CAMTA1: variants seen among roughly 807,000 people sequenced by gnomAD.
CAMTA1 encodes the protein calmodulin-binding transcription activator 1.
A neutral mutation model predicts 170.9 loss-of-function variants in CAMTA1; 27 were observed. The ratio of observed to expected loss-of-function variants is 0.16; its 90% CI spans 0.12 to 0.22. The LOEUF (loss-of-function observed/expected upper bound fraction) is 0.22. Ranked by LOEUF, CAMTA1 falls within the 10% of genes least tolerant of loss-of-function variation. The pLI is 1.00. For synonymous variants in CAMTA1, 833 were observed against 891.5 expected, an observed-to-expected ratio of 0.93 and a Z score of 1.17; for missense variants, 1,619 against 2,217.2, an observed-to-expected ratio of 0.73 and a Z score of 5.42.
chr1:7,310,645 TTTTTTC>T (rs1225094134), intron 5 of CAMTA1, among the ~76,000 whole-genome samples: 3 of 29,606 alleles, frequency 1.0e-4, no homozygotes, highest in African/African-American at 2.5e-4. Flanking sequence ...TCTTTCTTTC[TTTTTTC>T]TTTCTTTCTT....
chr1:6,908,740 C>A (rs904473531), intron 3 of CAMTA1, among the ~76,000 whole-genome samples: 1 of 152,196 alleles, frequency 6.6e-6, no homozygotes, highest in African/African-American at 2.4e-5. Flanking sequence ...GAGCTCAACC[C>A]CAGAGCTAGG....
intron 11 of CAMTA1, among the ~76,000 whole-genome samples, chr1:7,718,236 T>TGTTCCGTAAACACAGTGGGC (rs1168713406): frequency 6.9e-6 from 1 of 144,362 alleles, no homozygotes. Flanking sequence ...ACACAGTGGG[T>TGTTCCGTAAACACAGTGGGC]GTTCCGTAAA....
intron 5 of CAMTA1, among the ~76,000 whole-genome samples, chr1:7,256,940 C>A: frequency 6.6e-6 from 1 of 152,098 alleles, no homozygotes; most frequent in South Asian, 2.1e-4. Context: ...CTCACTGCAT[C>A]CTTACATGGT....
chr1:7,142,698 A>G (rs988264547), intron 4 of CAMTA1, among the ~76,000 whole-genome samples: 2 of 152,214 alleles, frequency 1.3e-5, no homozygotes, highest in Non-Finnish European at 2.9e-5. Flanking sequence ...CTCTCTTGCC[A>G]TGCTGGCTCC....
At chr1:6,832,627 C>G (rs984313627) in intron 3 of CAMTA1, among the ~76,000 whole-genome samples, 1 of 152,124 alleles carries the variant, frequency 6.6e-6, no homozygotes, top group Non-Finnish European at 1.5e-5. Context: ...CACCAGTACT[C>G]TAATCATAAA....
chr1:6,811,423 G>T (rs1254061805), intron 1 of CAMTA1, among the ~76,000 whole-genome samples: 1 of 152,134 alleles, frequency 6.6e-6, no homozygotes, highest in African/African-American at 2.4e-5. Flanking sequence ...GGAGTAGAGA[G>T]TTTACTTTTA....
At chr1:7,458,995 ATT>A (rs1478150709) in intron 5 of CAMTA1, among the ~76,000 whole-genome samples, 1 of 152,246 alleles carries the variant, frequency 6.6e-6, no homozygotes, top group Non-Finnish European at 1.5e-5. Context: ...CTAATCTTAG[ATT>A]AATACAAACC....
chr1:7,735,581 C>CT lies in CAMTA1; in HGVS notation c.3067-755dup, dbSNP rs1257887897. 5.9e-5 allele frequency among the ~76,000 whole-genome samples: 9 copies of CT among 151,998 alleles called. No individual in the cohort carries two copies. In the East Asian group the frequency reaches 9.6e-4, roughly 16 times the overall value. On this transcript the variant is annotated intron_variant, in intron 12 of 22. Transcript: ENST00000303635. ...ACTGCCTACAGGAAGGCTAGAACCACTTTTTTTTGTTTAAGGCTGTGTACA... is the reference window on the plus strand; with the variant it reads ...ACTGCCTACAGGAAGGCTAGAACCACTTTTTTTTTGTTTAAGGCTGTGTACA...
chr1:7,269,759 A>G (rs1242326112), intron 5 of CAMTA1, among the ~76,000 whole-genome samples: 4 of 152,196 alleles, frequency 2.6e-5, no homozygotes, highest in Admixed American at 1.3e-4. Flanking sequence ...TAACAGACAT[A>G]TAATTGGAGG....
At chr1:6,844,034 A>G (rs1656956942) in intron 3 of CAMTA1, among the ~76,000 whole-genome samples, 1 of 152,192 alleles carries the variant, frequency 6.6e-6, no homozygotes, top group Non-Finnish European at 1.5e-5. Flanking sequence ...CTCCTTATGT[A>G]TATTCTTGAC....
At chr1:7,603,597 C>T (rs897546188) in intron 6 of CAMTA1, among the ~76,000 whole-genome samples, 1 of 152,150 alleles carries the variant, frequency 6.6e-6, no homozygotes, top group Non-Finnish European at 1.5e-5. Context: ...AGATGGGTTT[C>T]CTGAATACAG....
intron 3 of CAMTA1, among the ~76,000 whole-genome samples, chr1:6,876,153 AT>A (rs900990101): frequency 6.0e-5 from 9 of 149,768 alleles, no homozygotes; most frequent in East Asian, 2.0e-4. Context: ...TTGTTCTTTC[AT>A]TTTTTTTTCT....
chr1:7,125,211 C>T (rs1242906821), intron 4 of CAMTA1, among the ~76,000 whole-genome samples: 1 of 152,104 alleles, frequency 6.6e-6, no homozygotes, highest in Non-Finnish European at 1.5e-5. Flanking sequence ...ATGGGGCTGC[C>T]CTTCCTCCAG....
chr1:7,377,249 A>G (rs906648316), intron 5 of CAMTA1, among the ~76,000 whole-genome samples: 11 of 152,216 alleles, frequency 7.2e-5, no homozygotes, highest in Admixed American at 7.2e-4. Context: ...TACAGCAGCA[A>G]TTAACACCGT....
chr1:7,427,902 C>T lies in CAMTA1; in HGVS notation c.439-39928C>T, dbSNP rs150069122. 2.4e-3 allele frequency among the ~76,000 whole-genome samples: 358 copies of T among 152,254 alleles called. 1 individual carries two copies. The highest frequency in any genetic ancestry group is 8.4e-3 in the African/African-American group (347 of 41,540). On this transcript the variant is annotated intron_variant, in intron 5 of 22. Coordinates refer to ENST00000303635, the MANE Select transcript of CAMTA1 (RefSeq NM_015215.4). ...TCCAGAATATTCTCAGGGCCCCTTGCGACTCATCCTTTCCTTTCTAGGGTA... is the reference window on the plus strand; with the variant it reads ...TCCAGAATATTCTCAGGGCCCCTTGTGACTCATCCTTTCCTTTCTAGGGTA...
At chr1:6,793,451 A>G (rs889076787) in intron 1 of CAMTA1, among the ~76,000 whole-genome samples, 5 of 152,064 alleles carry the variant, frequency 3.3e-5, no homozygotes, top group African/African-American at 4.8e-5. Context: ...CCATGTCCCT[A>G]TTTTTGTGTT....
intron 4 of CAMTA1, among the ~76,000 whole-genome samples, chr1:7,212,145 C>A (rs1186866820): frequency 6.6e-6 from 1 of 152,214 alleles, no homozygotes; most frequent in African/African-American, 2.4e-5. Flanking sequence ...AATCAAAATA[C>A]TGTGTTCATA....
At chr1:6,805,042 C>G (rs1454241547) in intron 1 of CAMTA1, among the ~76,000 whole-genome samples, 1 of 152,116 alleles carries the variant, frequency 6.6e-6, no homozygotes, top group East Asian at 1.9e-4. Flanking sequence ...GGAAAGATAC[C>G]TAGGAGTGGA....
At chr1:7,339,025 T>TGTTTAAAA (rs2083596459) in intron 5 of CAMTA1, among the ~76,000 whole-genome samples, 1 of 152,088 alleles carries the variant, frequency 6.6e-6, no homozygotes, top group Non-Finnish European at 1.5e-5. Context: ...TTTAAACAAC[T>TGTTTAAAA]GGATGTGGTG....
Sources: gnomAD v4.1 joint callset for allele counts (sites outside exome capture counted in the v4.1 genomes callset) on GRCh38, gnomAD v4.1.1 for gene constraint, MANE v1.5 for transcripts, NCBI Gene and HGNC (gene_info 2026-07-23, HGNC 2026-07-21) for gene names.